Variants in CBFA2T3 observed in about 807,000 individuals in gnomAD.
CBFA2T3 encodes the protein CBFA2/RUNX1 partner transcriptional co-repressor 3.
CBFA2T3 carries 31 observed loss-of-function variants against 58.6 expected under a neutral mutation model. That is an observed-to-expected ratio of 0.53 (90% confidence interval 0.40 to 0.71). The LOEUF (loss-of-function observed/expected upper bound fraction) is 0.71. Among genes scored for constraint, CBFA2T3 ranks in the 30% least tolerant of loss-of-function variants. CBFA2T3 has a pLI of 0.00. For synonymous variants in CBFA2T3, 531 were observed against 421.9 expected (o/e 1.26, Z -3.17); for missense variants, 1,076 against 963.1 (o/e 1.12, Z -1.55).
chr16:88,894,756 G>C (rs940774979), intron 3 of CBFA2T3, among the ~76,000 whole-genome samples: 1 of 152,258 alleles, frequency 6.6e-6, no homozygotes, highest in African/African-American at 2.4e-5. Flanking sequence ...AGAGCCACCT[G>C]CTCCCTCAGG....
rs1302539865 is a variant in CBFA2T3, at chr16:88,892,365, G to A, written c.500C>T (p.Pro167Leu). 1 of 1,613,372 alleles carries A rather than the reference G, an allele frequency of 6.2e-7. No individual in the cohort carries two copies. Among genetic ancestry groups the A allele is most frequent in the Non-Finnish European group, 8.5e-7 (1 of 1,179,968 alleles). The change falls in exon 4 of 12, where the codon CCA becomes CTA. Residue 167 changes from proline (P) to leucine (L), a missense_variant. Pro to Leu is a moderately conservative substitution (Grantham distance 98). Coordinates refer to ENST00000268679, the MANE Select transcript of CBFA2T3 (RefSeq NM_005187.6). The part of the protein sequence containing the change: ...TASLSTQHLP[P>L]ACGARQLSKL... The stretch of plus-strand genomic sequence containing the variant: ...GCTGAGCTGCCGGGCCCCGCAGGCT[G>A]GGGGCAGGTGCTGTGTGGACAAGGA...
chr16:88,889,053 T>C (rs1035525214), intron 5 of CBFA2T3, among the ~76,000 whole-genome samples: 14 of 151,832 alleles, frequency 9.2e-5, no homozygotes, highest in African/African-American at 3.4e-4. Context: ...GATCCTCAGT[T>C]AAGCAAGGGT....
At chr16:88,912,453 C>T (rs551141449) in intron 1 of CBFA2T3, among the ~76,000 whole-genome samples, 73 of 152,328 alleles carry the variant, frequency 4.8e-4, no homozygotes, top group African/African-American at 1.6e-3. Context: ...TGGAATACTT[C>T]CCTCGATCTC....
chr16:88,913,347 C>A (rs968891591), intron 1 of CBFA2T3, among the ~76,000 whole-genome samples: 3 of 152,108 alleles, frequency 2.0e-5, no homozygotes, highest in African/African-American at 4.8e-5. Context: ...AACCACCCCC[C>A]TGAGCTTGCC....
intron 5 of CBFA2T3, chr16:88,886,460 G>A (rs1035496306): frequency 7.2e-6 from 2 of 278,126 alleles, no homozygotes; most frequent in Non-Finnish European, 1.4e-5. Context: ...CTCCCATGGC[G>A]TGGTCTGGAG....
At chr16:88,903,287 G>GCTGAGGTC (rs1236306921) in intron 1 of CBFA2T3, among the ~76,000 whole-genome samples, 3 of 152,252 alleles carry the variant, frequency 2.0e-5, no homozygotes, top group African/African-American at 7.2e-5. Context: ...GTTCAGAGGT[G>GCTGAGGTC]CTGAGGTCCT....
chr16:88,925,355 A>ACTCATCCACCAGGCGCTCTCATGCAGC (rs1971053371), intron 1 of CBFA2T3, among the ~76,000 whole-genome samples: 2 of 152,176 alleles, frequency 1.3e-5, no homozygotes, highest in East Asian at 3.9e-4. Flanking sequence ...GGGTACCCTG[A>ACTCATCCACCAGGCGCTCTCATGCAGC]CTCATCCACC....
chr16:88,891,014 G>A (rs768854692), intron 5 of CBFA2T3, among the ~76,000 whole-genome samples: 5 of 152,224 alleles, frequency 3.3e-5, no homozygotes, highest in Non-Finnish European at 7.4e-5. Context: ...GGTTTGGGCC[G>A]GGCCGAGAGC....
chr16:88,882,257 G>C (rs139961908), intron 8 of CBFA2T3, among the ~76,000 whole-genome samples: 4 of 152,254 alleles, frequency 2.6e-5, no homozygotes, highest in Admixed American at 6.5e-5. Context: ...CCATGGGGCA[G>C]AGCCATGGCC....
At chr16:88,903,647 G>T (rs868547929) in intron 1 of CBFA2T3, among the ~76,000 whole-genome samples, 22 of 136,498 alleles carry the variant, frequency 1.6e-4, no homozygotes, top group African/African-American at 6.0e-4. Context: ...CTGTGGTGGG[G>T]GTGTTCCCGG....
At chr16:88,923,851 C>G (rs1048166497) in intron 1 of CBFA2T3, among the ~76,000 whole-genome samples, 1 of 152,252 alleles carries the variant, frequency 6.6e-6, no homozygotes, top group Non-Finnish European at 1.5e-5. Flanking sequence ...ACCGTCCTCT[C>G]TCAAAGGTGG....
At position 88,903,476 on chromosome 16, in the gene CBFA2T3, C is replaced by T. The variant is rs540155934; in HGVS notation, c.152-1820G>A. Among the ~76,000 whole-genome samples, 103 of 152,262 alleles carry T rather than the reference C, an allele frequency of 6.8e-4. 1 individual carries two copies. In the South Asian group the frequency reaches 7.9e-3, roughly 12 times the overall value. ...CCTCCGCACAGCCGCTGACCTCCCT[C>T]GCACAGGGCGCCCTGCTCCTCCTGG... On this transcript the variant is annotated intron_variant, in intron 1 of 11. Coordinates refer to ENST00000268679, the MANE Select transcript of CBFA2T3 (RefSeq NM_005187.6).
intron 1 of CBFA2T3, among the ~76,000 whole-genome samples, chr16:88,949,713 AG>A (rs1971999079): frequency 1.3e-5 from 2 of 152,072 alleles, no homozygotes; most frequent in African/African-American, 4.8e-5. Context: ...AAATCCCACA[AG>A]AAGAAAACAA....
intron 1 of CBFA2T3, among the ~76,000 whole-genome samples, chr16:88,962,247 A>C (rs1232552834): frequency 1.3e-5 from 2 of 152,048 alleles, no homozygotes; most frequent in East Asian, 1.9e-4. Context: ...GACACTCAGC[A>C]CTCGGCTTTC....
intron 5 of CBFA2T3, among the ~76,000 whole-genome samples, chr16:88,888,324 C>T (rs1243950787): frequency 6.8e-6 from 1 of 147,832 alleles, no homozygotes; most frequent in Non-Finnish European, 1.5e-5. Context: ...TACCCCTCCC[C>T]CAGCCCAGGC....
chr16:88,899,066 C>A (rs1970001532), intron 2 of CBFA2T3, among the ~76,000 whole-genome samples: 1 of 121,734 alleles, frequency 8.2e-6, no homozygotes, highest in Admixed American at 9.3e-5. Flanking sequence ...CTTCCCCCTC[C>A]CCACCCCCCA....
At position 88,958,156 on chromosome 16, in the gene CBFA2T3, G is replaced by A. The variant is rs534684631; in HGVS notation, c.151+18501C>T. Reference sequence around the variant, plus strand: ...CAAGGCCGTGCACACCCACGAGGCCGTAGGAAGCCTGGTCAGGCTGTCGGG... The same window carrying A: ...CAAGGCCGTGCACACCCACGAGGCCATAGGAAGCCTGGTCAGGCTGTCGGG... On this transcript the variant is annotated intron_variant, in intron 1 of 11. Coordinates refer to ENST00000268679, the MANE Select transcript of CBFA2T3 (RefSeq NM_005187.6). This position sits in a 1 kb window ranked among gnomAD's most constrained non-coding sequence, Gnocchi z 4.0. Among the ~76,000 whole-genome samples, 18 of 152,350 alleles carry A rather than the reference G, an allele frequency of 1.2e-4. No homozygotes were observed. The highest frequency in any genetic ancestry group is 7.7e-4 in the East Asian group (4 of 5,178).
At chr16:88,910,899 C>CCCCCAGT (rs1191502629) in intron 1 of CBFA2T3, among the ~76,000 whole-genome samples, 3 of 152,222 alleles carry the variant, frequency 2.0e-5, no homozygotes, top group African/African-American at 7.2e-5. Context: ...CAGCCCCCAG[C>CCCCCAGT]CTCCAGGGCT....
chr16:88,883,935 T>C (rs1223587370), intron 7 of CBFA2T3: 1 of 152,258 alleles, frequency 6.6e-6, no homozygotes, highest in Non-Finnish European at 1.5e-5. Flanking sequence ...TTGGGGCCCT[T>C]TTCAGCCCCT....
Sources: gnomAD v4.1 joint callset for allele counts (sites outside exome capture counted in the v4.1 genomes callset) on GRCh38, gnomAD v4.1.1 for gene constraint, Gnocchi (gnomAD v3.1) non-coding constraint, MANE v1.5 for transcripts, NCBI Gene and HGNC (gene_info 2026-07-23, HGNC 2026-07-21) for gene names.